Variants in SNTG2 observed in about 807,000 individuals in gnomAD.
The protein encoded by SNTG2 is syntrophin gamma 2.
In SNTG2, 74 loss-of-function variants were observed where a neutral mutation model predicts 70.9. The observed-to-expected ratio is 1.04, with a 90% confidence interval of 0.86 to 1.27. The LOEUF is 1.27. Ranked by LOEUF, SNTG2 falls within the 50% of genes most tolerant of loss-of-function variation. The pLI, the probability that SNTG2 is intolerant of heterozygous loss-of-function variation, is 0.00. For missense variants in SNTG2, 717 were observed against 690.7 expected (o/e 1.04, Z -0.43); for synonymous variants, 278 against 273.8 (o/e 1.02, Z -0.15).
At chr2:1,209,916 G>A (rs1673925215) in intron 9 of SNTG2, among the ~76,000 whole-genome samples, 2 of 152,060 alleles carry the variant, frequency 1.3e-5, no homozygotes, top group South Asian at 2.1e-4. Context: ...TTCCCACAAT[G>A]TGTGTGCATC....
At chr2:1,092,079 C>G (rs1384541064) in intron 2 of SNTG2, among the ~76,000 whole-genome samples, 1 of 152,296 alleles carries the variant, frequency 6.6e-6, no homozygotes, top group Non-Finnish European at 1.5e-5. Context: ...ACTCAACAGC[C>G]CCCTCACATA....
intron 1 of SNTG2, among the ~76,000 whole-genome samples, chr2:972,348 G>A (rs191626615): frequency 1.3e-5 from 2 of 152,274 alleles, no homozygotes; most frequent in East Asian, 1.9e-4. Context: ...GCATAGTTAA[G>A]TCTCCTTGAT....
At chr2:1,029,378 A>T (rs1343763360) in intron 1 of SNTG2, among the ~76,000 whole-genome samples, 1 of 152,212 alleles carries the variant, frequency 6.6e-6, no homozygotes, top group Non-Finnish European at 1.5e-5. Flanking sequence ...AACAAGCTAT[A>T]ACATGTCTAA....
intron 13 of SNTG2, 94 bp downstream of exon 13, chr2:1,259,535 G>T (rs1678307261): frequency 2.9e-6 from 3 of 1,025,234 alleles, no homozygotes; most frequent in African/African-American, 1.6e-5. Context: ...GTGGTCCATT[G>T]AAATAGTAAA....
intron 1 of SNTG2, among the ~76,000 whole-genome samples, chr2:976,342 C>T (rs972838016): frequency 6.6e-6 from 1 of 152,168 alleles, no homozygotes; most frequent in Non-Finnish European, 1.5e-5. Context: ...CGAGCCAGCA[C>T]GCTGTGACAT....
intron 11 of SNTG2, among the ~76,000 whole-genome samples, chr2:1,244,228 C>T (rs1206803033): frequency 6.6e-6 from 1 of 152,214 alleles, no homozygotes; most frequent in African/African-American, 2.4e-5. Context: ...TGGCAGGGAC[C>T]TGCAGAAGGG....
chr2:1,254,922 G>A (rs1426611520), intron 12 of SNTG2, among the ~76,000 whole-genome samples: 2 of 152,250 alleles, frequency 1.3e-5, no homozygotes, highest in African/African-American at 4.8e-5. Context: ...CATGATGGTA[G>A]AGCCAGTGGA....
At chr2:1,219,607 C>T (rs552571733) in intron 9 of SNTG2, among the ~76,000 whole-genome samples, 1 of 149,106 alleles carries the variant, frequency 6.7e-6, no homozygotes, top group Non-Finnish European at 1.5e-5. Context: ...GTCCATGCCT[C>T]TTGTTTTAGG....
At chr2:1,076,996 TATC>T (rs1663961926) in intron 1 of SNTG2, among the ~76,000 whole-genome samples, 1 of 152,372 alleles carries the variant, frequency 6.6e-6, no homozygotes, top group Non-Finnish European at 1.5e-5. Flanking sequence ...TATTAGTTTT[TATC>T]ATACTCTTCT....
At chr2:1,127,174 G>C (rs953139137) in intron 4 of SNTG2, among the ~76,000 whole-genome samples, 1 of 151,716 alleles carries the variant, frequency 6.6e-6, no homozygotes, top group African/African-American at 2.4e-5. Context: ...TCCTTCTTCT[G>C]CAAGTGAATA....
At chr2:1,253,114 T>A (rs1197678700) in intron 12 of SNTG2, among the ~76,000 whole-genome samples, 2 of 152,140 alleles carry the variant, frequency 1.3e-5, no homozygotes, top group East Asian at 3.9e-4. Context: ...GTCTCAATGC[T>A]GGTTCCCCAT....
At position 1,098,408 on chromosome 2, in the gene SNTG2, C is replaced by G; in HGVS notation, c.323C>G (p.Ala108Gly). The change falls in exon 4 of 17, where the codon GCA becomes GGA. Residue 108 changes from alanine (A) to glycine (G), a missense_variant and splice_region_variant. Coordinates refer to ENST00000308624, the MANE Select transcript of SNTG2 (RefSeq NM_018968.4). ...VVISKIFEDQ[A>G]ADQTGMLFVG... ...ATATCAAAAATATTCGAAGACCAAG[C>G]AGGTAAAAACAGCCAAAATGACCTG... 1.2e-6 allele frequency: 2 copies of G among 1,613,914 alleles called. No homozygotes were observed. The highest frequency in any genetic ancestry group is 1.7e-6 in the Non-Finnish European group (2 of 1,179,866).
chr2:1,340,647 A>T lies in SNTG2; in HGVS notation c.1488+24272A>T, dbSNP rs139556910. ...CCAGTACAAAAATAAAATGTTTGAC[A>T]TAAATGTGATTTGTCTTTCTAAAAT... On this transcript the variant is annotated intron_variant, in intron 16 of 16. Coordinates refer to ENST00000308624, the MANE Select transcript of SNTG2 (RefSeq NM_018968.4). Among the ~76,000 whole-genome samples the T allele has an allele frequency of 1.5e-3, 227 of 152,394 alleles. 2 individuals are homozygous for T. The highest frequency in any genetic ancestry group is 6.8e-3 in the Middle Eastern group (2 of 294).
At chr2:1,021,951 T>G (rs1660203230) in intron 1 of SNTG2, among the ~76,000 whole-genome samples, 1 of 150,636 alleles carries the variant, frequency 6.6e-6, no homozygotes, top group South Asian at 2.1e-4. Flanking sequence ...TTTTTTTTTT[T>G]TTTTAGTGAA....
chr2:1,311,082 TCCAGCC>T (rs1680966764), intron 15 of SNTG2, among the ~76,000 whole-genome samples: 2 of 152,158 alleles, frequency 1.3e-5, no homozygotes, highest in Admixed American at 6.5e-5. Flanking sequence ...CTGGGCCAGC[TCCAGCC>T]CTCTACCCGC....
At chr2:1,070,584 C>G (rs965874456) in intron 1 of SNTG2, among the ~76,000 whole-genome samples, 1 of 152,210 alleles carries the variant, frequency 6.6e-6, no homozygotes, top group Non-Finnish European at 1.5e-5. Context: ...AAATATCTTA[C>G]TTACATGCAG....
intron 6 of SNTG2, among the ~76,000 whole-genome samples, chr2:1,144,392 C>T (rs767304546): frequency 1.3e-5 from 2 of 152,084 alleles, no homozygotes; most frequent in Non-Finnish European, 1.5e-5. Flanking sequence ...CTACTTCACC[C>T]GACAACAGCA....
intron 1 of SNTG2, among the ~76,000 whole-genome samples, chr2:1,051,881 C>CTGTT (rs1388043297): frequency 4.6e-5 from 7 of 152,188 alleles, no homozygotes. Context: ...CATTCAGAGG[C>CTGTT]TGTTGGTTGT....
chr2:1,031,152 GTTTAC>G (rs925033975), intron 1 of SNTG2, among the ~76,000 whole-genome samples: 3 of 152,244 alleles, frequency 2.0e-5, no homozygotes, highest in South Asian at 2.1e-4. Flanking sequence ...ATTTTGAAAT[GTTTAC>G]TTTAGGTAGC....
Sources: allele counts gnomAD v4.1 joint callset (sites outside exome capture counted in the v4.1 genomes callset), GRCh38; gene constraint gnomAD v4.1.1; transcripts MANE v1.5; gene names NCBI Gene and HGNC (gene_info 2026-07-23, HGNC 2026-07-21).